Variants in SATL1 observed in about 807,000 individuals in gnomAD.
SATL1 encodes the protein spermidine/spermine N1-acetyl transferase like 1.
Under a neutral mutation model 51.8 loss-of-function variants are expected in SATL1, and 47 were observed. That is an observed-to-expected ratio of 0.91 (90% CI 0.72 to 1.16). SATL1 has a LOEUF of 1.16. SATL1 is among the 50% of genes most tolerant of loss of function. The pLI is 0.00. For synonymous variants in SATL1, 176 were observed against 182.4 expected, an observed-to-expected ratio of 0.97 and a Z score of 0.28; for missense variants, 520 against 526.4, an observed-to-expected ratio of 0.99 and a Z score of 0.12.
intron 2 of SATL1, among the ~76,000 whole-genome samples, chrX:85,218,752 T>C (rs1928108499): frequency 8.9e-6 from 1 of 112,024 alleles, no homozygotes; most frequent in Non-Finnish European, 1.9e-5. Context: ...ATACTTGCTT[T>C]TCTTATGTAA....
At position 85,094,282 on chromosome X, in the gene SATL1, C is replaced by A. The variant is rs1924625922; in HGVS notation, c.1775-53G>T. On this transcript the variant is annotated intron_variant, in intron 5 of 7. Coordinates refer to ENST00000644105, the MANE Select transcript of SATL1 (RefSeq NM_001367857.2). ...AAGGTTGGTTGAATCTTAGCCAGTT[C>A]TTTACCCCCAAATTGAATGTCTTTT... is the stretch of plus-strand genomic sequence containing the variant. 4.6e-6 allele frequency: 3 copies of A among 650,979 alleles called. No individual in the cohort carries two copies. In the African/African-American group the frequency reaches 6.5e-5, roughly 14 times the overall value. The allele number at this position is 650,979 out of a possible 1,213,427, so 53.6% of individuals were successfully genotyped here. A position where few individuals can be genotyped will look rare whatever the true frequency, so the allele number is the denominator to read the frequency against.
At chrX:85,241,662 TC>T (rs1258036380) in intron 1 of SATL1, among the ~76,000 whole-genome samples, 1 of 111,808 alleles carries the variant, frequency 8.9e-6, no homozygotes, top group Non-Finnish European at 1.9e-5. Context: ...ACCAAAACTC[TC>T]TTTTTGTACT....
intron 1 of SATL1, among the ~76,000 whole-genome samples, chrX:85,231,022 G>A (rs1487334812): frequency 4.5e-5 from 5 of 111,514 alleles, no homozygotes; most frequent in Non-Finnish European, 9.4e-5. Context: ...TAAAAATAGA[G>A]CTACCATATG....
chrX:85,205,287 A>T (rs1927770971), intron 2 of SATL1, among the ~76,000 whole-genome samples: 1 of 112,427 alleles, frequency 8.9e-6, no homozygotes, highest in African/African-American at 3.2e-5. Context: ...TGCCTACTAT[A>T]TGCCTAAAAC....
At chrX:85,241,918 A>AT (rs1307299384) in intron 1 of SATL1, among the ~76,000 whole-genome samples, 2 of 111,704 alleles carry the variant, frequency 1.8e-5, no homozygotes, top group Non-Finnish European at 3.8e-5. Context: ...TATTTTTCTG[A>AT]TTTTGTCATT....
intron 2 of SATL1, chrX:85,117,149 A>G (rs1423343648): frequency 9.0e-6 from 1 of 111,156 alleles, no homozygotes. Flanking sequence ...AACATATAAA[A>G]CCCTAAGTCA....
At chrX:85,129,416 TG>T (rs1925717872) in intron 2 of SATL1, among the ~76,000 whole-genome samples, 1 of 111,719 alleles carries the variant, frequency 9.0e-6, no homozygotes, top group Non-Finnish European at 1.9e-5. Context: ...CAATTGTGAA[TG>T]GGAGTTCACT....
intron 1 of SATL1, among the ~76,000 whole-genome samples, chrX:85,238,348 G>A (rs1026430981): frequency 3.6e-5 from 4 of 111,471 alleles, no homozygotes; most frequent in South Asian, 7.5e-4. Context: ...AGAAAATGTG[G>A]TACATATACA....
At chrX:85,189,205 G>T (rs928437658) in intron 2 of SATL1, among the ~76,000 whole-genome samples, 23 of 111,402 alleles carry the variant, frequency 2.1e-4, no homozygotes, top group African/African-American at 7.2e-4. Flanking sequence ...TAAGAGATGG[G>T]TTTCTCACTA....
intron 7 of SATL1, 168 bp from the exon 8 acceptor site, chrX:85,092,729 T>G: frequency 4.4e-6 from 2 of 456,296 alleles, no homozygotes; most frequent in Non-Finnish European, 7.0e-6. Context: ...AAGAAAAAAG[T>G]CTCACTGTTC....
chrX:85,232,351 C>T (rs1928398834), intron 1 of SATL1, among the ~76,000 whole-genome samples: 1 of 111,073 alleles, frequency 9.0e-6, no homozygotes, highest in South Asian at 3.9e-4. Flanking sequence ...TGGCTTAATC[C>T]AGCACATTCC....
chrX:85,195,243 G>A (rs1489421815), intron 2 of SATL1, among the ~76,000 whole-genome samples: 1 of 111,169 alleles, frequency 9.0e-6, no homozygotes, highest in Admixed American at 9.6e-5. Flanking sequence ...TTTTGGCCAA[G>A]ACTTTTTTTC....
chrX:85,214,823 G>A (rs1480454859), intron 2 of SATL1, among the ~76,000 whole-genome samples: 1 of 111,577 alleles, frequency 9.0e-6, no homozygotes, highest in Non-Finnish European at 1.9e-5. Context: ...AAATCTTAAA[G>A]CTCCAAGATA....
chrX:85,178,489 T>C (rs1364148166), intron 2 of SATL1, among the ~76,000 whole-genome samples: 1 of 109,624 alleles, frequency 9.1e-6, no homozygotes, highest in Non-Finnish European at 1.9e-5. Context: ...GCCCAACTGA[T>C]CCTCCTGCCT....
At chrX:85,215,667 A>C (rs1271647283) in intron 2 of SATL1, among the ~76,000 whole-genome samples, 1 of 112,562 alleles carries the variant, frequency 8.9e-6, no homozygotes, top group Non-Finnish European at 1.9e-5. Context: ...CAATGCAGCC[A>C]AGTTCTTTGC....
chrX:85,195,881 C>G (rs914925610), intron 2 of SATL1, among the ~76,000 whole-genome samples: 1 of 110,644 alleles, frequency 9.0e-6, no homozygotes. Context: ...TTCAGAACTG[C>G]ATTTGACAAA....
intron 2 of SATL1, among the ~76,000 whole-genome samples, chrX:85,164,921 T>G (rs887787334): frequency 1.8e-5 from 2 of 110,162 alleles, no homozygotes; most frequent in African/African-American, 3.3e-5. Context: ...ACGGGCTTTC[T>G]CCATGTTGGT....
chrX:85,218,688 A>G (rs1298348860), intron 2 of SATL1, among the ~76,000 whole-genome samples: 1 of 111,927 alleles, frequency 8.9e-6, no homozygotes, highest in Admixed American at 9.5e-5. Context: ...AACATTCACA[A>G]TTGTGCAATA....
intron 2 of SATL1, among the ~76,000 whole-genome samples, chrX:85,214,684 T>A (rs1484812418): frequency 8.9e-6 from 1 of 111,771 alleles, no homozygotes; most frequent in Non-Finnish European, 1.9e-5. Context: ...AAAAAACAAG[T>A]TATTTAACTC....
Sources: allele counts gnomAD v4.1 joint callset (sites outside exome capture counted in the v4.1 genomes callset), GRCh38; gene constraint gnomAD v4.1.1; transcripts MANE v1.5; gene names NCBI Gene and HGNC (gene_info 2026-07-23, HGNC 2026-07-21).